Variants in MDN1 observed in about 807,000 individuals in gnomAD.
MDN1 encodes the protein midasin.
A neutral mutation model predicts 669.2 loss-of-function variants in MDN1; 266 were observed. The observed-to-expected ratio is 0.40, with a 90% CI of 0.36 to 0.44. The LOEUF (loss-of-function observed/expected upper bound fraction) is 0.44, where lower values mean the gene tolerates loss of function less well. Among genes scored for constraint, MDN1 ranks in the 20% least tolerant of loss-of-function variants. The pLI is 1.00. For missense variants in MDN1, 5,940 were observed against 6,754.0 expected (o/e 0.88, Z 4.22); for synonymous variants, 2,385 against 2,457.1 (o/e 0.97, Z 0.87).
At chr6:89,646,370 T>A (rs187415240) in intron 100 of MDN1, among the ~76,000 whole-genome samples, 170 bp downstream of exon 100, 180 of 152,322 alleles carry the variant, frequency 1.2e-3, no homozygotes, top group Admixed American at 3.1e-3. Context: ...AACAAAAATT[T>A]CTGAATGAAT....
intron 78 of MDN1, 93 bp from the exon 79 acceptor site, chr6:89,674,682 G>A: frequency 6.8e-7 from 1 of 1,464,160 alleles, no homozygotes; most frequent in East Asian, 2.3e-5. Flanking sequence ...TTCTGAACAA[G>A]CATGGGCTTT....
intron 49 of MDN1, among the ~76,000 whole-genome samples, chr6:89,711,468 A>G (rs1269281070): frequency 2.6e-5 from 4 of 152,244 alleles, no homozygotes; most frequent in Non-Finnish European, 5.9e-5. Context: ...TTTAATGCAT[A>G]CAGGAGGATG....
intron 23 of MDN1, 73 bp downstream of exon 23, chr6:89,751,358 G>A: frequency 6.4e-7 from 1 of 1,560,662 alleles, no homozygotes; most frequent in East Asian, 2.3e-5. Flanking sequence ...GAAAGTTAAG[G>A]AAGTTAGACC....
chr6:89,671,006 G>A lies in MDN1; in HGVS notation c.13869C>T (p.Phe4623=), dbSNP rs750364479. Reference sequence around the variant, plus strand: ...GAGTTGCTAAAGACATGGTCAGGAAGAAGAGGACGAGGTCTGAGTAGCTGG... The same window carrying A: ...GAGTTGCTAAAGACATGGTCAGGAAAAAGAGGACGAGGTCTGAGTAGCTGG... ...VLSSYSDLVL[F]FLTMSLATHR... Residue 4623 remains phenylalanine, a synonymous_variant, in exon 83 of 102, where the codon TTC becomes TTT. Coordinates refer to ENST00000369393, the MANE Select transcript of MDN1 (RefSeq NM_014611.3). The A allele has an allele frequency of 1.9e-6, 3 of 1,614,138 alleles. No individual in the cohort carries two copies. The highest frequency in any genetic ancestry group is 2.5e-6 in the Non-Finnish European group (3 of 1,180,008).
intron 79 of MDN1, 149 bp from the exon 80 acceptor site, chr6:89,673,611 G>A: frequency 1.5e-6 from 1 of 651,558 alleles, no homozygotes; most frequent in Non-Finnish European, 2.7e-6. Flanking sequence ...GTGCTGTGCA[G>A]GTCCACTGAG....
In MDN1 at chr6:89,683,259, C is replaced by G; in HGVS notation, c.11975G>C (p.Ser3992Thr). ...AAAGTCAGGCTGTTCTTCCTTGTCA[C>G]TCTCCACCAGGGATGACCGGCAGGG... ...SEPCRSSLVE[S>T]DKEEQPDFLP... The change falls in exon 73 of 102, where the codon AGT (serine) becomes ACT (threonine). Residue 3992 changes from serine (S) to threonine (T), a missense_variant. Physicochemically the swap from Ser to Thr is moderately conservative, Grantham distance 58 (BLOSUM62 1). Around this residue, in one of 5 missense-constraint regions of MDN1, gnomAD observed 2,280 missense variants for 2,576.3 expected, o/e 0.88. Transcript: ENST00000369393. 1.9e-6 allele frequency: 3 copies of G among 1,614,198 alleles called. No individual in the cohort carries two copies. In the South Asian group the frequency reaches 3.3e-5, roughly 18 times the overall value.
In MDN1 at chr6:89,668,139, G is replaced by A. The variant is rs1173299488; in HGVS notation, c.13969C>T (p.Pro4657Ser). Residue 4657 changes from proline to serine, a missense_variant, in exon 84 of 102, where the codon CCC (proline) becomes TCC (serine). Pro to Ser is a moderately conservative substitution (Grantham distance 74). This residue lies in a region of MDN1 where 2,280 missense variants were observed against 2,576.3 expected (regional missense o/e 0.88). Coordinates refer to ENST00000369393, the MANE Select transcript of MDN1 (RefSeq NM_014611.3). ...GCTGAATCTTCCATAAATTCTTTGG[G>A]CAAGCAAAATCCCTTAGAAAAAAGA... ...TELAQKGFCL[P>S]KEFMEDSAGE... The A allele has an allele frequency of 6.2e-7, 1 of 1,613,834 alleles. No homozygotes were observed. The highest frequency in any genetic ancestry group is 1.7e-5 in the Admixed American group (1 of 60,002).
At chr6:89,693,287 T>C (rs751977712) in intron 62 of MDN1, 139 bp from the exon 63 acceptor site, 7 of 627,978 alleles carry the variant, frequency 1.1e-5, no homozygotes, top group Non-Finnish European at 1.9e-5. Flanking sequence ...TCAGTTGTGA[T>C]AATACTGACA....
chr6:89,684,072 G>A (rs932320609), intron 71 of MDN1, among the ~76,000 whole-genome samples, 168 bp from the exon 72 acceptor site: 4 of 152,122 alleles, frequency 2.6e-5, no homozygotes, highest in Non-Finnish European at 4.4e-5. Context: ...GGCTAGGCGC[G>A]GTGGCTCACA....
chr6:89,819,025 G>A (rs1218436285), intron 1 of MDN1, among the ~76,000 whole-genome samples: 1 of 152,156 alleles, frequency 6.6e-6, no homozygotes, highest in East Asian at 1.9e-4. Context: ...GGCAGAGATC[G>A]TAACGAATTT....
chr6:89,805,034 CAAAAAAAA>C (rs34538984), intron 1 of MDN1, among the ~76,000 whole-genome samples: 2 of 58,522 alleles, frequency 3.4e-5, no homozygotes, highest in South Asian at 7.8e-4. Flanking sequence ...GACTCCGTCT[CAAAAAAAA>C]AAAAAAAAAA....
At chr6:89,726,547 G>A (rs1003297010) in intron 37 of MDN1, among the ~76,000 whole-genome samples, 1 of 151,078 alleles carries the variant, frequency 6.6e-6, no homozygotes, top group Non-Finnish European at 1.5e-5. Flanking sequence ...AATAGATAAG[G>A]TTTGTTAACT....
At chr6:89,786,824 C>T (rs1432842841) in intron 8 of MDN1, among the ~76,000 whole-genome samples, 1 of 147,812 alleles carries the variant, frequency 6.8e-6, no homozygotes, top group Non-Finnish European at 1.5e-5. Flanking sequence ...ACCTGGCAGG[C>T]TGAGGTAGGA....
At chr6:89,658,415 C>T (rs770271398) in intron 89 of MDN1, 45 bp from the exon 90 acceptor site, 5 of 1,611,322 alleles carry the variant, frequency 3.1e-6, no homozygotes, top group East Asian at 2.2e-5. Flanking sequence ...TCTGGGGGAA[C>T]AGCATAAGGT....
chr6:89,658,427 G>A, intron 89 of MDN1, 57 bp from the exon 90 acceptor site: 1 of 1,604,180 alleles, frequency 6.2e-7, no homozygotes, highest in Non-Finnish European at 8.5e-7. Flanking sequence ...GCATAAGGTG[G>A]GAGACCTTGC....
intron 1 of MDN1, among the ~76,000 whole-genome samples, chr6:89,818,468 T>C (rs1768995616): frequency 6.7e-6 from 1 of 149,554 alleles, no homozygotes; most frequent in East Asian, 2.0e-4. Flanking sequence ...ACCTTACAAC[T>C]ACAAAAAAAA....
chr6:89,703,361 T>G (rs1813287285), intron 53 of MDN1, among the ~76,000 whole-genome samples: 1 of 119,142 alleles, frequency 8.4e-6, no homozygotes, highest in Non-Finnish European at 1.9e-5. Context: ...ACTGACCATG[T>G]ATGGGGAAGG....
At chr6:89,790,009 G>C in intron 6 of MDN1, 98 bp from the exon 7 acceptor site, 1 of 1,581,360 alleles carries the variant, frequency 6.3e-7, no homozygotes, top group Non-Finnish European at 8.6e-7. Flanking sequence ...GTAGGTGTAA[G>C]TAAGTAGGCA....
chr6:89,753,133 C>A (rs1234454750), intron 22 of MDN1, among the ~76,000 whole-genome samples: 4 of 151,314 alleles, frequency 2.6e-5, no homozygotes, highest in African/African-American at 9.7e-5. Context: ...CAAAAAAAAA[C>A]AAAACAAAAC....
Sources: gnomAD v4.1 joint callset for allele counts (sites outside exome capture counted in the v4.1 genomes callset) on GRCh38, gnomAD v4.1.1 for gene constraint, gnomAD v4.1.1 regional missense constraint, MANE v1.5 for transcripts, NCBI Gene and HGNC (gene_info 2026-07-23, HGNC 2026-07-21) for gene names.